Variants in CDH13 observed in about 807,000 individuals in gnomAD.
The protein encoded by CDH13 is cadherin-13.
In CDH13, 24 loss-of-function variants were observed where a neutral mutation model predicts 63.8. The observed-to-expected ratio is 0.38, with a 90% confidence interval of 0.27 to 0.53. The LOEUF is 0.53. CDH13 is among the 20% of genes least tolerant of loss of function. CDH13 has a pLI of 0.85. For missense variants in CDH13, 1,049 were observed against 903.1 expected (o/e 1.16, Z -2.07); for synonymous variants, 503 against 355.3 (o/e 1.42, Z -4.67).
rs371709262 is a variant in CDH13 at position 83,206,953 on chromosome 16, C to T, written c.484-10392C>T. 5.3e-5 allele frequency among the ~76,000 whole-genome samples: 8 copies of T among 152,148 alleles called. No homozygotes were observed. The East Asian group carries it at 1.2e-3, about 22-fold the overall frequency. On this transcript the variant is annotated intron_variant, in intron 4 of 13. Transcript: ENST00000567109. ...ACATTAAGGGAGGACTGGATAAAATCACCTGTACTCAGACTAAAATACTTC... is the reference window on the plus strand; with the variant it reads ...ACATTAAGGGAGGACTGGATAAAATTACCTGTACTCAGACTAAAATACTTC...
chr16:82,632,174 C>T (rs759345201), intron 1 of CDH13, among the ~76,000 whole-genome samples: 2 of 152,180 alleles, frequency 1.3e-5, no homozygotes, highest in Non-Finnish European at 2.9e-5. Flanking sequence ...TTGCCATAAT[C>T]GTCACCACTC....
chr16:82,981,916 C>T (rs942423197), intron 2 of CDH13, among the ~76,000 whole-genome samples: 1 of 152,162 alleles, frequency 6.6e-6, no homozygotes, highest in Admixed American at 6.5e-5. Flanking sequence ...CTACCCCAGC[C>T]TTGAAATAGG....
intron 5 of CDH13, among the ~76,000 whole-genome samples, chr16:83,278,404 G>A (rs938433908): frequency 2.6e-5 from 4 of 152,188 alleles, no homozygotes; most frequent in Admixed American, 6.5e-5. Flanking sequence ...CTGAAATGGG[G>A]AAAGGTAGCA....
intron 1 of CDH13, among the ~76,000 whole-genome samples, chr16:82,810,119 C>G: frequency 6.6e-6 from 1 of 152,292 alleles, no homozygotes; most frequent in Non-Finnish European, 1.5e-5. Context: ...AAGTAAGAAA[C>G]CTTTTCTGCT....
At chr16:83,297,805 G>A (rs549103807) in intron 5 of CDH13, among the ~76,000 whole-genome samples, 4 of 152,046 alleles carry the variant, frequency 2.6e-5, no homozygotes, top group Non-Finnish European at 5.9e-5. Context: ...TAGACTAATC[G>A]AAGGACATTC....
chr16:83,762,355 C>G (rs1029627413), intron 11 of CDH13, among the ~76,000 whole-genome samples: 3 of 151,796 alleles, frequency 2.0e-5, no homozygotes, highest in Non-Finnish European at 4.4e-5. Context: ...TCAATGAACA[C>G]AGAATTGCTG....
At chr16:83,002,510 T>G (rs558185926) in intron 2 of CDH13, among the ~76,000 whole-genome samples, 2 of 152,244 alleles carry the variant, frequency 1.3e-5, no homozygotes, top group African/African-American at 2.4e-5. Context: ...TAGTTTGTTA[T>G]AGCAGCCACA....
chr16:83,127,514 G>A (rs1465004744), intron 4 of CDH13, among the ~76,000 whole-genome samples: 3 of 152,122 alleles, frequency 2.0e-5, no homozygotes, highest in Non-Finnish European at 4.4e-5. Context: ...AGGATCACCC[G>A]AGGTCAGGAG....
At chr16:83,061,860 C>T (rs984853936) in intron 3 of CDH13, among the ~76,000 whole-genome samples, 1 of 152,166 alleles carries the variant, frequency 6.6e-6, no homozygotes, top group South Asian at 2.1e-4. Flanking sequence ...TGCCTTAATG[C>T]CCCATGCTAA....
chr16:82,633,318 A>T (rs10514548), intron 1 of CDH13, among the ~76,000 whole-genome samples: 57,288 of 152,164 alleles, frequency 0.38, 12,134 homozygotes, highest in Non-Finnish European at 0.48. Flanking sequence ...GGCCTCCGGG[A>T]ACACTGCTCT....
chr16:83,566,930 C>T (rs1293991796), intron 7 of CDH13, among the ~76,000 whole-genome samples: 1 of 152,182 alleles, frequency 6.6e-6, no homozygotes, highest in Non-Finnish European at 1.5e-5. Flanking sequence ...CTTATTCCCA[C>T]CCTCATCCCT....
chr16:83,387,943 G>C (rs2091707076), intron 6 of CDH13, among the ~76,000 whole-genome samples: 1 of 152,044 alleles, frequency 6.6e-6, no homozygotes, highest in Non-Finnish European at 1.5e-5. Flanking sequence ...TGTAGTGCTG[G>C]GTTTTTACTT....
intron 6 of CDH13, among the ~76,000 whole-genome samples, chr16:83,464,379 G>A (rs2073256530): frequency 6.6e-6 from 1 of 152,126 alleles, no homozygotes; most frequent in Non-Finnish European, 1.5e-5. Flanking sequence ...GGGCGTGATG[G>A]CACATCCCTG....
intron 4 of CDH13, among the ~76,000 whole-genome samples, chr16:83,188,446 G>A (rs1456743379): frequency 6.6e-6 from 1 of 152,144 alleles, no homozygotes; most frequent in African/African-American, 2.4e-5. Context: ...TCTCTGAACT[G>A]TCATGCATTC....
intron 7 of CDH13, among the ~76,000 whole-genome samples, chr16:83,527,960 C>T (rs561577295): frequency 6.6e-6 from 1 of 152,262 alleles, no homozygotes; most frequent in Admixed American, 6.5e-5. Context: ...AGAGATCTTC[C>T]TCGAATGAGT....
chr16:83,558,025 A>G (rs1286932911), intron 7 of CDH13, among the ~76,000 whole-genome samples: 2 of 152,154 alleles, frequency 1.3e-5, no homozygotes, highest in Non-Finnish European at 2.9e-5. Flanking sequence ...GAAATCAATG[A>G]TTGTACAGCT....
intron 1 of CDH13, 151 bp from the exon 2 acceptor site, chr16:82,858,211 T>G: frequency 1.7e-6 from 1 of 595,852 alleles, no homozygotes; most frequent in East Asian, 2.8e-5. Flanking sequence ...AAAGAATTGT[T>G]GGCAGCCACT....
At chr16:82,988,743 C>G (rs1911276157) in intron 2 of CDH13, among the ~76,000 whole-genome samples, 1 of 139,148 alleles carries the variant, frequency 7.2e-6, no homozygotes, top group Admixed American at 7.5e-5. Flanking sequence ...GCCTGGGAGA[C>G]AGAGTGAAAC....
intron 3 of CDH13, among the ~76,000 whole-genome samples, chr16:83,076,751 G>A (rs1269098155): frequency 6.6e-6 from 1 of 151,986 alleles, no homozygotes; most frequent in Non-Finnish European, 1.5e-5. Context: ...CATGCATATT[G>A]TTAATTAGAA....
Sources: allele counts gnomAD v4.1 joint callset (sites outside exome capture counted in the v4.1 genomes callset), GRCh38; gene constraint gnomAD v4.1.1; transcripts MANE v1.5; gene names NCBI Gene and HGNC (gene_info 2026-07-23, HGNC 2026-07-21).